The following GATAD1 variants were observed in gnomAD, a reference collection of about 807,000 sequenced individuals.
GATAD1 encodes GATA zinc finger domain containing 1.
A neutral mutation model predicts 26.5 loss-of-function variants in GATAD1; 12 were observed. The ratio of observed to expected loss-of-function variants is 0.45; its 90% CI spans 0.29 to 0.73. The LOEUF is 0.73. Ranked by LOEUF, GATAD1 falls within the 30% of genes least tolerant of loss-of-function variation. GATAD1 has a pLI of 0.10. For missense variants in GATAD1, 266 were observed against 342.1 expected (o/e 0.78, Z 1.75); for synonymous variants, 129 against 133.1 (o/e 0.97, Z 0.21).
downstream of GATAD1, among the ~76,000 whole-genome samples, chr7:92,462,229 G>T (rs1308740084): frequency 2.0e-5 from 3 of 152,028 alleles, no homozygotes; most frequent in Non-Finnish European, 1.5e-5. Context: ...ATAGGAAAAT[G>T]AATTTTGATA....
At position 92,457,721 on chromosome 7, in the gene GATAD1, C is replaced by T. The variant is rs1204532484; in HGVS notation, c.*1159C>T. 6.6e-6 allele frequency: 1 copy of T among 152,214 alleles called. No individual in the cohort carries two copies. Among genetic ancestry groups the T allele is most frequent in the Non-Finnish European group, 1.5e-5 (1 of 68,042 alleles). 9.4% of individuals were successfully genotyped at this position (152,214 alleles called of 1,614,324 possible). On this transcript the variant is annotated 3_prime_UTR_variant, in exon 5 of 5. Transcript: ENST00000287957. ...CTTAATCAAATAAAATGACTAACAG[C>T]ATCTATCATAAAGCCACACAAGCCT...
In GATAD1 at chr7:92,456,356, C is replaced by G. The variant is rs770305377; in HGVS notation, c.620-16C>G. On this transcript the variant is annotated splice_polypyrimidine_tract_variant and intron_variant, in intron 4 of 4. Coordinates refer to ENST00000287957, the MANE Select transcript of GATAD1 (RefSeq NM_021167.5). ...GGTCAAAAATGTATTTAACCTTTCC[C>G]TTGGCTGCCTTCCAGGGCCAGAGGA... 6.4e-7 allele frequency: 1 copy of G among 1,570,890 alleles called. No individual in the cohort carries two copies. Among genetic ancestry groups the G allele is most frequent in the Admixed American group, 1.7e-5 (1 of 57,228 alleles).
downstream of GATAD1, among the ~76,000 whole-genome samples, chr7:92,462,410 A>G (rs1254421473): frequency 6.6e-6 from 1 of 152,036 alleles, no homozygotes; most frequent in Admixed American, 6.5e-5. Flanking sequence ...ACATGCATAC[A>G]TATGCATATA....
intron 3 of GATAD1, among the ~76,000 whole-genome samples, chr7:92,451,348 T>C (rs1789421585): frequency 6.6e-6 from 1 of 152,144 alleles, no homozygotes; most frequent in Non-Finnish European, 1.5e-5. Flanking sequence ...AAGTGACAGA[T>C]TGTTGTGTTT....
chr7:92,452,850 A>G (rs367804363), intron 3 of GATAD1, among the ~76,000 whole-genome samples: 1 of 152,264 alleles, frequency 6.6e-6, no homozygotes, highest in African/African-American at 2.4e-5. Context: ...ACATTTGAAT[A>G]TGCTGTGTTA....
At chr7:92,492,862 T>TA in the GATAD1 span, 2 of 1,012,818 alleles carry the variant, frequency 2.0e-6, no homozygotes, top group African/African-American at 1.6e-5. Context: ...CAAAGTTGTT[T>TA]AAAAAATAGC....
the GATAD1 span, among the ~76,000 whole-genome samples, chr7:92,488,874 C>T: frequency 1.3e-5 from 2 of 152,052 alleles, no homozygotes; most frequent in African/African-American, 2.4e-5. Flanking sequence ...GCTGGGACTA[C>T]AGGCACATGC....
At chr7:92,461,227 A>C (rs75932040), downstream of GATAD1, 6,906 of 152,346 alleles carry the variant, frequency 0.045, 211 homozygotes, top group Non-Finnish European at 0.07. Flanking sequence ...TGCCTGTATC[A>C]TCTGAATTGG....
At position 92,447,726 on chromosome 7, in the gene GATAD1, C is replaced by A. The variant is rs1327842302; in HGVS notation, c.-4C>A. Reference sequence around the variant, plus strand: ...GCCCGCGGGGGCCGCCCGAGCCGGCCACCATGCCGCTGGGCCTGAAGCCCA... The same window carrying A: ...GCCCGCGGGGGCCGCCCGAGCCGGCAACCATGCCGCTGGGCCTGAAGCCCA... On this transcript the variant is annotated 5_prime_UTR_variant, in exon 1 of 5. Transcript: ENST00000287957. 4 of 1,466,124 alleles carry A rather than the reference C, an allele frequency of 2.7e-6. No homozygotes were observed. Among genetic ancestry groups the A allele is most frequent in the East Asian group, 3.0e-5 (1 of 33,090 alleles). The allele number at this position is 1,466,124 out of a possible 1,614,324, so 90.8% of individuals were successfully genotyped here.
the GATAD1 span, chr7:92,475,043 C>T: frequency 1.3e-5 from 2 of 152,074 alleles, no homozygotes; most frequent in Non-Finnish European, 2.9e-5. Flanking sequence ...TCCTGTAGGG[C>T]ATAAATCACA....
At chr7:92,477,555 A>T in the GATAD1 span, 3 of 152,654 alleles carry the variant, frequency 2.0e-5, no homozygotes, top group African/African-American at 7.2e-5. Context: ...CAAGGAATGG[A>T]ATCTTGGGCC....
the GATAD1 span, among the ~76,000 whole-genome samples, chr7:92,476,781 T>A: frequency 6.6e-6 from 1 of 152,062 alleles, no homozygotes; most frequent in South Asian, 2.1e-4. Context: ...TAACTGCCCA[T>A]GTCAAGAGCT....
chr7:92,486,106 T>G, the GATAD1 span, among the ~76,000 whole-genome samples: 6 of 152,206 alleles, frequency 3.9e-5, no homozygotes, highest in African/African-American at 1.4e-4. Flanking sequence ...GCCTCCACAA[T>G]GTGGACTTCC....
chr7:92,457,476 CAAA>C lies in GATAD1; in HGVS notation c.*918_*920del, dbSNP rs1266227526. On this transcript the variant is annotated 3_prime_UTR_variant, in exon 5 of 5. Transcript: ENST00000287957. ...CAAGACTCCGTCTCAAAGAAACAAA[CAAA>C]AAATTAAAAGGGATAGAATATAATG... 1 of 151,902 alleles carries C rather than the reference CAAA, an allele frequency of 6.6e-6. No individual in the cohort carries two copies. Among genetic ancestry groups the C allele is most frequent in the African/African-American group, 2.4e-5 (1 of 41,346 alleles). 9.4% of individuals were successfully genotyped at this position (151,902 alleles called of 1,614,324 possible). A position where few individuals can be genotyped will look rare whatever the true frequency, so the allele number is the denominator to read the frequency against.
At chr7:92,474,265 T>C in the GATAD1 span, among the ~76,000 whole-genome samples, 1 of 152,180 alleles carries the variant, frequency 6.6e-6, no homozygotes, top group African/African-American at 2.4e-5. Flanking sequence ...GGCAGACTTT[T>C]GAAGTTTTTT....
At position 92,447,869 on chromosome 7, in the gene GATAD1, GGGCGGCTGGAGGGACTGGGGGCAGCGGC is replaced by G; in HGVS notation, c.147_174del (p.Gly50AlafsTer65). 7.4e-7 allele frequency: 1 copy of G among 1,359,744 alleles called. No individual in the cohort carries two copies. The highest frequency in any genetic ancestry group is 9.5e-7 in the Non-Finnish European group (1 of 1,052,800). 84.2% of individuals were successfully genotyped at this position (1,359,744 alleles called of 1,614,324 possible). On this transcript the variant is annotated frameshift_variant, in exon 1 of 5. Transcript: ENST00000287957. LOFTEE classifies it high-confidence loss of function. Reference sequence around the variant, plus strand: ...GCGGGCAGCGGGGGCGCAGGCTCGGGGGCGGCTGGAGGGACTGGGGGCAGCGGCGGCGGCGGCTTCGGCGCGGCGACCT... The same window carrying G: ...GCGGGCAGCGGGGGCGCAGGCTCGGGGGCGGCGGCTTCGGCGCGGCGACCT...
chr7:92,460,915 A>T (rs1327512899), downstream of GATAD1, among the ~76,000 whole-genome samples: 1 of 151,684 alleles, frequency 6.6e-6, no homozygotes, highest in Non-Finnish European at 1.5e-5. Flanking sequence ...TATTTTCCAA[A>T]TTTTTTACAA....
chr7:92,492,996 T>C, the GATAD1 span: 19 of 1,613,902 alleles, frequency 1.2e-5, no homozygotes, highest in Non-Finnish European at 1.6e-5. Flanking sequence ...GGCCTCCAAT[T>C]GGGCATTGTA....
At chr7:92,460,848 GCTA>G (rs1688536883), downstream of GATAD1, among the ~76,000 whole-genome samples, 1 of 150,564 alleles carries the variant, frequency 6.6e-6, no homozygotes, top group African/African-American at 2.4e-5. Context: ...GTTTTCTGCA[GCTA>G]CTTTTTTCAG....
Sources: gnomAD v4.1 joint callset for allele counts (sites outside exome capture counted in the v4.1 genomes callset) on GRCh38, gnomAD v4.1.1 for gene constraint, MANE v1.5 for transcripts, NCBI Gene and HGNC (gene_info 2026-07-23, HGNC 2026-07-21) for gene names.